The following PRIM2 variants were observed in gnomAD, a reference collection of about 807,000 sequenced individuals.
PRIM2 encodes DNA primase large subunit.
In PRIM2, 39 loss-of-function variants were observed where a neutral mutation model predicts 67.3. That is an observed-to-expected ratio of 0.58 (90% CI 0.45 to 0.76). The LOEUF is 0.76. Ranked by LOEUF, PRIM2 falls within the 30% of genes least tolerant of loss-of-function variation. The pLI is 0.00. For synonymous variants in PRIM2, 143 were observed against 198.7 expected, an observed-to-expected ratio of 0.72 and a Z score of 2.36; for missense variants, 398 against 598.7, an observed-to-expected ratio of 0.66 and a Z score of 3.50.
chr6:57,489,063 A>T (rs1177792902), intron 7 of PRIM2, among the ~76,000 whole-genome samples: 1 of 152,234 alleles, frequency 6.6e-6, no homozygotes, highest in Admixed American at 6.5e-5. Context: ...GCACATCCTT[A>T]TGTGGCTGTG....
chr6:57,482,916 T>G (rs1473953901), intron 7 of PRIM2, among the ~76,000 whole-genome samples: 178 of 152,252 alleles, frequency 1.2e-3, no homozygotes, highest in Middle Eastern at 3.4e-3. Context: ...TAGATTTTTT[T>G]TTGTTGTTGT....
At chr6:57,363,843 TC>T (rs1769270583) in intron 5 of PRIM2, among the ~76,000 whole-genome samples, 1 of 152,146 alleles carries the variant, frequency 6.6e-6, no homozygotes, top group African/African-American at 2.4e-5. Flanking sequence ...CTTTTAAACT[TC>T]CCTCTACCTG....
intron 9 of PRIM2, among the ~76,000 whole-genome samples, chr6:57,536,079 A>G (rs1163401618): frequency 6.6e-6 from 1 of 152,198 alleles, no homozygotes; most frequent in Non-Finnish European, 1.5e-5. Context: ...AAGGGAGGAT[A>G]TAGGTCTGAA....
chr6:57,448,107 C>A (rs1279785603), intron 7 of PRIM2, among the ~76,000 whole-genome samples: 1 of 152,154 alleles, frequency 6.6e-6, no homozygotes, highest in South Asian at 2.1e-4. Context: ...GTGTAGCATG[C>A]ACTTTCTCCA....
At position 57,424,689 on chromosome 6, in the gene PRIM2, G is replaced by T. The variant is rs142621576; in HGVS notation, c.693+42521G>T. ...AAGGAGGATCATATTTATATAAGAA[G>T]AATACATTAAAAAGACATTGAGTTG... On this transcript the variant is annotated intron_variant, in intron 7 of 13. Transcript: ENST00000615550. Among the ~76,000 whole-genome samples the T allele has an allele frequency of 2.9e-4, 44 of 152,218 alleles. 1 individual carries two copies. The East Asian group carries it at 8.1e-3, about 28-fold the overall frequency.
At chr6:57,415,857 G>C (rs576343743) in intron 7 of PRIM2, among the ~76,000 whole-genome samples, 36 of 152,170 alleles carry the variant, frequency 2.4e-4, no homozygotes, top group Non-Finnish European at 5.0e-4. Flanking sequence ...GATTGCAGCT[G>C]TTTAGTCCCA....
chr6:57,288,459 G>A, the PRIM2 span, among the ~76,000 whole-genome samples: 4 of 152,138 alleles, frequency 2.6e-5, no homozygotes, highest in African/African-American at 9.7e-5. Flanking sequence ...CCGGCACAGC[G>A]TTCAAGCTTT....
chr6:57,594,008 G>C (rs1406724470), intron 10 of PRIM2, among the ~76,000 whole-genome samples: 1 of 152,066 alleles, frequency 6.6e-6, no homozygotes, highest in East Asian at 1.9e-4. Context: ...CTGAAATCTT[G>C]TATCTAATTA....
chr6:57,443,972 C>T (rs1772282530), intron 7 of PRIM2, among the ~76,000 whole-genome samples: 2 of 152,096 alleles, frequency 1.3e-5, no homozygotes, highest in Admixed American at 1.3e-4. Flanking sequence ...CAAGTTCATT[C>T]TTCTGCATGT....
intron 5 of PRIM2, among the ~76,000 whole-genome samples, chr6:57,345,036 A>G (rs1409849507): frequency 7.2e-6 from 1 of 139,792 alleles, no homozygotes; most frequent in East Asian, 2.0e-4. Flanking sequence ...CTTATTGTTG[A>G]TGGCTTTCCA....
Position 57,458,715 on chromosome 6 carries a change from A to G in PRIM2, c.694-48672A>G, listed in dbSNP as rs1177096570. On this transcript the variant is annotated intron_variant, in intron 7 of 13. Coordinates refer to ENST00000615550, the MANE Select transcript of PRIM2 (RefSeq NM_000947.5). ...AAGACAAACAAACAAACAAACAGAA[A>G]CAAATCTACGATTATTTGATGAAAA... Among the ~76,000 whole-genome samples, 266 of 152,234 alleles carry G rather than the reference A, an allele frequency of 1.7e-3. 2 individuals carry two copies. The highest frequency in any genetic ancestry group is 1.8e-3 in the Non-Finnish European group (123 of 68,006).
chr6:57,637,010 G>A lies in PRIM2; in HGVS notation c.1299+4809G>A, dbSNP rs1260285370. 5.3e-5 allele frequency among the ~76,000 whole-genome samples: 8 copies of A among 152,258 alleles called. No homozygotes were observed. The East Asian group carries it at 7.7e-4, about 15-fold the overall frequency. ...CAGACATCTCATACAGGAGAGCTCCGGCTGGCATCTGGTGGGTGCCCCTCT... is the reference window on the plus strand; with the variant it reads ...CAGACATCTCATACAGGAGAGCTCCAGCTGGCATCTGGTGGGTGCCCCTCT... On this transcript the variant is annotated intron_variant, in intron 13 of 13. Coordinates refer to ENST00000615550, the MANE Select transcript of PRIM2 (RefSeq NM_000947.5).
At chr6:57,604,685 ATT>A (rs1167624948) in intron 11 of PRIM2, among the ~76,000 whole-genome samples, 4 of 135,092 alleles carry the variant, frequency 3.0e-5, no homozygotes, top group African/African-American at 2.7e-5. Context: ...GGAATATTGG[ATT>A]TTTTTTTTTT....
chr6:57,353,381 T>G (rs1768919555), intron 5 of PRIM2, among the ~76,000 whole-genome samples: 1 of 152,202 alleles, frequency 6.6e-6, no homozygotes, highest in Admixed American at 6.5e-5. Flanking sequence ...ACAAATAGAT[T>G]GCAATTTGTG....
intron 5 of PRIM2, among the ~76,000 whole-genome samples, chr6:57,334,901 C>T (rs984945781): frequency 3.3e-5 from 5 of 152,136 alleles, no homozygotes; most frequent in Admixed American, 6.5e-5. Flanking sequence ...CAGCTCCCAG[C>T]GTGAGCGACA....
the PRIM2 span, among the ~76,000 whole-genome samples, chr6:57,307,911 G>C: frequency 6.6e-6 from 1 of 152,174 alleles, no homozygotes; most frequent in Non-Finnish European, 1.5e-5. Context: ...CAGAGCAGGG[G>C]AGGGGGCTAG....
intron 7 of PRIM2, chr6:57,383,596 C>T (rs1049232601): frequency 7.6e-6 from 1 of 131,682 alleles, no homozygotes; most frequent in African/African-American, 2.8e-5. Context: ...AAAAAAAAGG[C>T]ATGTGGGATG....
chr6:57,530,547 T>C (rs1277295586), intron 8 of PRIM2, among the ~76,000 whole-genome samples: 10 of 152,220 alleles, frequency 6.6e-5, no homozygotes, highest in African/African-American at 2.4e-4. Context: ...TTCCTGAATC[T>C]GCTTCTTCTT....
chr6:57,243,546 G>A, the PRIM2 span, among the ~76,000 whole-genome samples: 10 of 152,292 alleles, frequency 6.6e-5, no homozygotes, highest in Non-Finnish European at 7.3e-5. Context: ...TCAGCTCACT[G>A]CAACCTCCGC....
Sources: gnomAD v4.1 joint callset for allele counts (sites outside exome capture counted in the v4.1 genomes callset) on GRCh38, gnomAD v4.1.1 for gene constraint, MANE v1.5 for transcripts, NCBI Gene and HGNC (gene_info 2026-07-23, HGNC 2026-07-21) for gene names.